The following ACADM variants were observed in gnomAD, a reference collection of about 807,000 sequenced individuals.
ACADM encodes the protein medium-chain specific acyl-CoA dehydrogenase, mitochondrial.
In ACADM, 49 loss-of-function variants were observed where a neutral mutation model predicts 58.9. The ratio of observed to expected loss-of-function variants is 0.83; its 90% CI spans 0.66 to 1.06. The LOEUF (loss-of-function observed/expected upper bound fraction) is 1.06. ACADM is among the 50% of genes least tolerant of loss of function. The probability of loss-of-function intolerance (pLI) is 0.00; values close to 1 mark genes in which losing one functional copy is unlikely to be tolerated. For synonymous variants in ACADM, 160 were observed against 157.7 expected (o/e 1.01, Z -0.11); for missense variants, 496 against 507.0 (o/e 0.98, Z 0.21).
chr1:75,729,885 ATTTTTTTTTTTTTT>A (rs551916973), intron 2 of ACADM, among the ~76,000 whole-genome samples: 1 of 73,872 alleles, frequency 1.4e-5, no homozygotes, highest in Non-Finnish European at 2.6e-5. Context: ...GGGATGGTGG[ATTTTTTTTTTTTTT>A]TTTTTTTTTT....
chr1:75,727,043 T>C (rs978222358), intron 1 of ACADM, among the ~76,000 whole-genome samples: 8 of 152,222 alleles, frequency 5.3e-5, no homozygotes, highest in Non-Finnish European at 1.2e-4. Context: ...GACCTCGTGA[T>C]CCGCCCACCT....
rs1461707834 is a variant in ACADM at position 75,761,140 on chromosome 1, A to G, written c.964A>G (p.Met322Val). The part of the protein sequence containing the change: ...LLVEHQAISF[M>V]LAEMAMKVEL... ...ATTCTAGCACCAAGCAATATCATTT[A>G]TGCTGGCTGAAATGGCAATGAAAGT... The change falls in exon 11 of 12, where the codon ATG (methionine) becomes GTG (valine). Residue 322 changes from methionine to valine, a missense_variant. Transcript: ENST00000370841. 1 of 1,613,872 alleles carries G rather than the reference A, an allele frequency of 6.2e-7. No individual in the cohort carries two copies. Among genetic ancestry groups the G allele is most frequent in the African/African-American group, 1.3e-5 (1 of 74,940 alleles).
chr1:75,737,828 T>A (rs1382630461), intron 6 of ACADM, among the ~76,000 whole-genome samples: 1 of 152,212 alleles, frequency 6.6e-6, no homozygotes, highest in Non-Finnish European at 1.5e-5. Flanking sequence ...GTTCATACTG[T>A]AATAGGTGTT....
intron 9 of ACADM, 149 bp downstream of exon 9, chr1:75,749,708 C>CTTT (rs1557457868): frequency 4.3e-6 from 2 of 466,710 alleles, no homozygotes; most frequent in African/African-American, 2.6e-5. Context: ...TGTTACTTTT[C>CTTT]TTTCTTTTTT....
intron 10 of ACADM, among the ~76,000 whole-genome samples, chr1:75,756,809 A>C (rs1400603460): frequency 2.6e-5 from 4 of 152,212 alleles, no homozygotes; most frequent in Non-Finnish European, 4.4e-5. Flanking sequence ...ACTTCAAACT[A>C]TACTACAAGG....
intron 6 of ACADM, 39 bp downstream of exon 6, chr1:75,734,910 A>G (rs768026190): frequency 6.9e-7 from 1 of 1,442,884 alleles, no homozygotes; most frequent in Non-Finnish European, 9.8e-7. Context: ...CACACTTAAG[A>G]AGGGAACAAA....
At chr1:75,743,468 T>G in intron 7 of ACADM, 1 of 1,611,814 alleles carries the variant, frequency 6.2e-7, no homozygotes, top group Admixed American at 1.7e-5. Flanking sequence ...GCCTTGATTT[T>G]GCGGAGGAAA....
chr1:75,759,356 A>G (rs1648692638), intron 10 of ACADM, among the ~76,000 whole-genome samples: 2 of 152,224 alleles, frequency 1.3e-5, no homozygotes, highest in African/African-American at 2.4e-5. Flanking sequence ...TAATCCTGCC[A>G]TCGTCTTTCC....
chr1:75,743,354 G>A (rs1365564437), intron 7 of ACADM: 1 of 1,556,372 alleles, frequency 6.4e-7, no homozygotes, highest in Non-Finnish European at 8.8e-7. Context: ...GACCCATGAG[G>A]GGACAGGGAG....
intron 5 of ACADM, 151 bp downstream of exon 5, chr1:75,733,779 A>G (rs1647191733): frequency 7.3e-6 from 5 of 682,988 alleles, no homozygotes; most frequent in South Asian, 7.0e-5. Flanking sequence ...TTAAAGAGGA[A>G]CACAAGATTC....
chr1:75,732,972 A>G, intron 4 of ACADM, 50 bp downstream of exon 4: 2 of 1,613,310 alleles, frequency 1.2e-6, no homozygotes, highest in Non-Finnish European at 1.7e-6. Flanking sequence ...AGTAAGAAAA[A>G]TTGTGGAACT....
At chr1:75,746,628 TCG>T (rs1647920001) in intron 8 of ACADM, among the ~76,000 whole-genome samples, 1 of 149,774 alleles carries the variant, frequency 6.7e-6, no homozygotes, top group Non-Finnish European at 1.5e-5. Flanking sequence ...AGACAGCGTC[TCG>T]CTCTGTTGCC....
At chr1:75,732,490 G>A in intron 2 of ACADM, 154 bp from the exon 3 acceptor site, 1 of 690,226 alleles carries the variant, frequency 1.4e-6, no homozygotes, top group Non-Finnish European at 2.6e-6. Flanking sequence ...ATTGTGTAGT[G>A]AACTCTTGAT....
intron 6 of ACADM, among the ~76,000 whole-genome samples, chr1:75,736,694 C>T (rs576502453): frequency 3.3e-5 from 5 of 152,204 alleles, no homozygotes; most frequent in African/African-American, 7.2e-5. Flanking sequence ...TTCCAAAATT[C>T]GTGGATGCCA....
At chr1:75,737,051 G>T (rs1187801533) in intron 6 of ACADM, among the ~76,000 whole-genome samples, 1 of 151,456 alleles carries the variant, frequency 6.6e-6, no homozygotes, top group Non-Finnish European at 1.5e-5. Flanking sequence ...ACTGTTGAAT[G>T]TTTAAACTCC....
At chr1:75,755,723 C>A (rs555406028) in intron 10 of ACADM, among the ~76,000 whole-genome samples, 9 of 152,214 alleles carry the variant, frequency 5.9e-5, no homozygotes, top group Admixed American at 1.3e-4. Context: ...CAAAGGAATG[C>A]AGCTCCTCGC....
chr1:75,739,931 T>C, intron 6 of ACADM, 49 bp from the exon 7 acceptor site: 1 of 1,430,160 alleles, frequency 7.0e-7, no homozygotes, highest in Non-Finnish European at 9.5e-7. Context: ...ACAGTCAAAA[T>C]TTAATCACTA....
chr1:75,736,205 C>T (rs1647259212), intron 6 of ACADM, among the ~76,000 whole-genome samples: 1 of 150,932 alleles, frequency 6.6e-6, no homozygotes, highest in South Asian at 2.1e-4. Context: ...CACACACACA[C>T]GCTCTATTCT....
At chr1:75,733,700 ATTTT>A in intron 5 of ACADM, 72 bp downstream of exon 5, 1 of 1,291,330 alleles carries the variant, frequency 7.7e-7, no homozygotes, top group Admixed American at 1.7e-5. Context: ...AAGAAGTTGG[ATTTT>A]TAGAAGAAAA....
Sources: allele counts gnomAD v4.1 joint callset (sites outside exome capture counted in the v4.1 genomes callset), GRCh38; gene constraint gnomAD v4.1.1; transcripts MANE v1.5; gene names NCBI Gene and HGNC (gene_info 2026-07-23, HGNC 2026-07-21).